CREB3L2: variants seen among roughly 807,000 people sequenced by gnomAD.
The protein encoded by CREB3L2 is cAMP responsive element binding protein 3 like 2.
A neutral mutation model predicts 57.2 loss-of-function variants in CREB3L2; 23 were observed. The observed-to-expected ratio is 0.40, with a 90% CI of 0.29 to 0.57. The LOEUF is 0.57. Ranked by LOEUF, CREB3L2 falls within the 20% of genes least tolerant of loss-of-function variation. The pLI is 0.42. For synonymous variants in CREB3L2, 268 were observed against 265.1 expected (o/e 1.01, Z -0.11); for missense variants, 628 against 634.7 (o/e 0.99, Z 0.11).
At chr7:137,992,602 A>G (rs1801919199) in intron 1 of CREB3L2, among the ~76,000 whole-genome samples, 1 of 152,252 alleles carries the variant, frequency 6.6e-6, no homozygotes, top group Non-Finnish European at 1.5e-5. Context: ...AAGACAAATA[A>G]CAAGTATAAA....
intron 3 of CREB3L2, among the ~76,000 whole-genome samples, 200 bp from the exon 4 acceptor site, chr7:137,913,278 G>C (rs933861428): frequency 6.6e-6 from 1 of 152,026 alleles, no homozygotes; most frequent in African/African-American, 2.4e-5. Context: ...TGGCATTACA[G>C]CTGACAGGAC....
chr7:137,912,873 T>C (rs1435032474), intron 4 of CREB3L2, 118 bp downstream of exon 4: 3 of 1,547,968 alleles, frequency 1.9e-6, no homozygotes, highest in Non-Finnish European at 2.6e-6. Flanking sequence ...AGCTATTTCA[T>C]AAAGCCAGCT....
At chr7:137,978,443 G>A (rs983355033) in intron 1 of CREB3L2, among the ~76,000 whole-genome samples, 6 of 152,006 alleles carry the variant, frequency 3.9e-5, no homozygotes, top group African/African-American at 1.2e-4. Flanking sequence ...TATCCCCTCC[G>A]TCCCTCCTCC....
chr7:137,999,872 T>A (rs1042994023), intron 1 of CREB3L2: 1 of 152,242 alleles, frequency 6.6e-6, no homozygotes, highest in Non-Finnish European at 1.5e-5. Flanking sequence ...TAATCACACA[T>A]TCCTGCTTTA....
At chr7:137,943,858 T>C (rs183738462) in intron 1 of CREB3L2, among the ~76,000 whole-genome samples, 35 of 152,244 alleles carry the variant, frequency 2.3e-4, no homozygotes, top group African/African-American at 7.7e-4. Context: ...AATGCCGCCA[T>C]GTATTTCCAA....
intron 4 of CREB3L2, among the ~76,000 whole-genome samples, chr7:137,909,002 A>G (rs534383892): frequency 1.3e-5 from 2 of 152,300 alleles, no homozygotes; most frequent in African/African-American, 2.4e-5. Context: ...TGGGAGGCTG[A>G]GGCAGGAGAA....
At chr7:137,937,857 G>A (rs1213684468) in intron 1 of CREB3L2, among the ~76,000 whole-genome samples, 1 of 149,988 alleles carries the variant, frequency 6.7e-6, no homozygotes, top group Non-Finnish European at 1.5e-5. Context: ...ATAAATATAT[G>A]TACACCTTGC....
At chr7:137,967,498 A>C (rs570619860) in intron 1 of CREB3L2, among the ~76,000 whole-genome samples, 1 of 152,306 alleles carries the variant, frequency 6.6e-6, no homozygotes, top group Non-Finnish European at 1.5e-5. Context: ...CTTGAGTCCC[A>C]GCCCTCCTCC....
chr7:137,976,819 A>C (rs1801615038), intron 1 of CREB3L2, among the ~76,000 whole-genome samples: 1 of 152,212 alleles, frequency 6.6e-6, no homozygotes, highest in African/African-American at 2.4e-5. Flanking sequence ...GATAGGGGAG[A>C]ATGCTTCTGC....
chr7:137,880,356 A>G lies in CREB3L2; in HGVS notation c.*120T>C, dbSNP rs1472698675. On this transcript the variant is annotated 3_prime_UTR_variant, in exon 12 of 12. Transcript: ENST00000330387. This position sits in a 1 kb window ranked among gnomAD's most constrained non-coding sequence, Gnocchi z 4.0. ...CCAGGCTGGTCTCCAATCTGAAGCC[A>G]CTAATGCTTGCCCATGTCTCCATGA... The G allele has an allele frequency of 1.2e-6, 1 of 802,830 alleles. No homozygotes were observed. The highest frequency in any genetic ancestry group is 1.7e-5 in the African/African-American group (1 of 58,742). The allele number at this position is 802,830 out of a possible 1,614,324, so 49.7% of individuals were successfully genotyped here. A position where few individuals can be genotyped will look rare whatever the true frequency, so the allele number is the denominator to read the frequency against.
intron 1 of CREB3L2, among the ~76,000 whole-genome samples, chr7:137,983,073 T>C (rs577762345): frequency 6.6e-6 from 1 of 152,320 alleles, no homozygotes; most frequent in African/African-American, 2.4e-5. Context: ...ATCTGTAGCA[T>C]TTTATTATAG....
In CREB3L2 at chr7:137,880,457, G is replaced by C; in HGVS notation, c.*19C>G. 1 of 1,601,546 alleles carries C rather than the reference G, an allele frequency of 6.2e-7. No homozygotes were observed. Among genetic ancestry groups the C allele is most frequent in the Non-Finnish European group, 8.6e-7 (1 of 1,169,520 alleles). On this transcript the variant is annotated 3_prime_UTR_variant, in exon 12 of 12. Coordinates refer to ENST00000330387, the MANE Select transcript of CREB3L2 (RefSeq NM_194071.4). This position sits in a 1 kb window ranked among gnomAD's most constrained non-coding sequence, Gnocchi z 4.0. The stretch of plus-strand genomic sequence containing the variant: ...TAAAAGTAGAGTTAAGGGAAAGGGA[G>C]GGGGTGCAGGCAGCCTCTTTAGAAA...
intron 1 of CREB3L2, among the ~76,000 whole-genome samples, chr7:138,000,300 C>G (rs1802053165): frequency 6.6e-6 from 1 of 152,228 alleles, no homozygotes; most frequent in Non-Finnish European, 1.5e-5. Context: ...AAGTTCTTTA[C>G]TGAGGACAGG....
rs1585581610 is a variant in CREB3L2 at position 137,877,943 on chromosome 7, T to C, written c.*2533A>G. ...GTCCTCCTAAAGGGACAACTGTTAG[T>C]TCCTTTAACCCACTCAAGCAAGGAG... On this transcript the variant is annotated 3_prime_UTR_variant, in exon 12 of 12. Transcript: ENST00000330387. The C allele has an allele frequency of 4.4e-6, 1 of 227,730 alleles. No individual in the cohort carries two copies. The highest frequency in any genetic ancestry group is 6.3e-5 in the East Asian group (1 of 15,826). 14.1% of individuals were successfully genotyped at this position (227,730 alleles called of 1,614,324 possible). A position where few individuals can be genotyped will look rare whatever the true frequency, so the allele number is the denominator to read the frequency against.
rs143318525 is a variant in CREB3L2 at position 137,944,871 on chromosome 7, T to C, written c.103-16505A>G. On this transcript the variant is annotated intron_variant, in intron 1 of 11. Transcript: ENST00000330387. Reference sequence around the variant, plus strand: ...AATAATCAAATTTATAGTTTTAGAATTTATAACTTTTATTTTATTTTTTAT... The same window carrying C: ...AATAATCAAATTTATAGTTTTAGAACTTATAACTTTTATTTTATTTTTTAT... Among the ~76,000 whole-genome samples, 10 of 152,114 alleles carry C rather than the reference T, an allele frequency of 6.6e-5. No individual in the cohort carries two copies. The East Asian group carries it at 1.9e-3, about 29-fold the overall frequency.
intron 1 of CREB3L2, among the ~76,000 whole-genome samples, chr7:137,940,203 G>A (rs1395561161): frequency 6.6e-6 from 1 of 152,238 alleles, no homozygotes; most frequent in East Asian, 1.9e-4. Context: ...CTCTTAAACA[G>A]AAGGCATCCC....
intron 8 of CREB3L2, among the ~76,000 whole-genome samples, chr7:137,889,302 G>A (rs1300496011): frequency 2.0e-5 from 3 of 152,156 alleles, no homozygotes; most frequent in African/African-American, 7.2e-5. Context: ...CCCAGTCACA[G>A]GTGTAAAGTG....
intron 8 of CREB3L2, among the ~76,000 whole-genome samples, chr7:137,889,983 A>G (rs1585594708): frequency 6.6e-6 from 1 of 152,310 alleles, no homozygotes; most frequent in East Asian, 1.9e-4. Context: ...ACAGCATGGT[A>G]CCCTAATCAA....
chr7:137,974,354 T>C (rs1801567644), intron 1 of CREB3L2, among the ~76,000 whole-genome samples: 1 of 152,200 alleles, frequency 6.6e-6, no homozygotes, highest in Non-Finnish European at 1.5e-5. Context: ...ATCTGAAGGC[T>C]AAGCACCAGG....
Sources: gnomAD v4.1 joint callset for allele counts (sites outside exome capture counted in the v4.1 genomes callset) on GRCh38, gnomAD v4.1.1 for gene constraint, Gnocchi (gnomAD v3.1) non-coding constraint, MANE v1.5 for transcripts, NCBI Gene and HGNC (gene_info 2026-07-23, HGNC 2026-07-21) for gene names.